Variants in SLC35D4 observed in about 807,000 individuals in gnomAD.
SLC35D4 encodes the protein UDP-N-acetylglucosamine transporter SLC35D4.
the SLC35D4 span, among the ~76,000 whole-genome samples, chr18:23,355,951 G>A: frequency 6.6e-6 from 1 of 152,116 alleles, no homozygotes; most frequent in Non-Finnish European, 1.5e-5. Context: ...TCCACTTCTT[G>A]GCATGATGAG....
chr18:23,318,320 G>A, the SLC35D4 span, among the ~76,000 whole-genome samples: 2 of 152,160 alleles, frequency 1.3e-5, no homozygotes, highest in African/African-American at 4.8e-5. Context: ...TTCTTTATAT[G>A]TTGTAGATAT....
chr18:23,325,051 G>A, the SLC35D4 span, among the ~76,000 whole-genome samples: 1 of 152,086 alleles, frequency 6.6e-6, no homozygotes, highest in Non-Finnish European at 1.5e-5. Context: ...GCGTCTCCGA[G>A]CCCCGTGTGT....
the SLC35D4 span, among the ~76,000 whole-genome samples, chr18:23,383,528 G>T: frequency 3.3e-5 from 5 of 152,058 alleles, no homozygotes; most frequent in Non-Finnish European, 7.4e-5. Flanking sequence ...GGGGGCAGAA[G>T]CAGGAGCAGC....
chr18:23,326,179 CA>C, the SLC35D4 span, among the ~76,000 whole-genome samples: 1 of 152,188 alleles, frequency 6.6e-6, no homozygotes, highest in South Asian at 2.1e-4. Context: ...TGTGTGATAG[CA>C]GGATCAAATT....
the SLC35D4 span, among the ~76,000 whole-genome samples, chr18:23,401,717 T>A: frequency 2.6e-4 from 40 of 152,128 alleles, no homozygotes; most frequent in Non-Finnish European, 5.6e-4. Context: ...GACTTTGGAA[T>A]GTAAGGTCAG....
chr18:23,370,364 A>G, the SLC35D4 span: 1 of 1,125,646 alleles, frequency 8.9e-7, no homozygotes, highest in Non-Finnish European at 1.3e-6. Context: ...GGCTCCCAAA[A>G]GCACGACTGC....
the SLC35D4 span, among the ~76,000 whole-genome samples, chr18:23,384,772 T>C: frequency 6.6e-6 from 1 of 152,190 alleles, no homozygotes; most frequent in Non-Finnish European, 1.5e-5. Context: ...CTGGCCTGGA[T>C]CTGAGTTCAG....
At chr18:23,402,054 G>A in the SLC35D4 span, among the ~76,000 whole-genome samples, 7 of 152,232 alleles carry the variant, frequency 4.6e-5, no homozygotes, top group African/African-American at 1.4e-4. Context: ...TCTCCCTCAG[G>A]GGCAACAGGG....
the SLC35D4 span, among the ~76,000 whole-genome samples, chr18:23,285,479 T>TCC: frequency 6.6e-6 from 1 of 152,166 alleles, no homozygotes; most frequent in Admixed American, 6.6e-5. Flanking sequence ...TTTCAATTTT[T>TCC]CCATCCTACA....
chr18:23,247,750 A>G, the SLC35D4 span, among the ~76,000 whole-genome samples: 3 of 152,246 alleles, frequency 2.0e-5, no homozygotes, highest in Non-Finnish European at 2.9e-5. Flanking sequence ...AAGCAGGGAC[A>G]AAAGCAAGAC....
At chr18:23,342,489 G>T in the SLC35D4 span, among the ~76,000 whole-genome samples, 1 of 151,940 alleles carries the variant, frequency 6.6e-6, no homozygotes, top group East Asian at 1.9e-4. Flanking sequence ...TGGACATTTA[G>T]AATTATTTCC....
the SLC35D4 span, among the ~76,000 whole-genome samples, chr18:23,430,415 G>A: frequency 3.6e-4 from 55 of 152,092 alleles, no homozygotes; most frequent in Admixed American, 5.2e-4. Flanking sequence ...CAAAGAAATA[G>A]TTGGAGATCT....
chr18:23,310,346 A>C, the SLC35D4 span: 1 of 875,402 alleles, frequency 1.1e-6, no homozygotes, highest in Non-Finnish European at 1.4e-6. Context: ...GGAAGAGGTT[A>C]CCTCCACATC....
chr18:23,272,342 G>A, the SLC35D4 span, among the ~76,000 whole-genome samples: 3 of 152,146 alleles, frequency 2.0e-5, no homozygotes, highest in East Asian at 1.9e-4. Context: ...CTATTCAGGA[G>A]GCTGAGGCAG....
chr18:23,412,710 A>G, the SLC35D4 span, among the ~76,000 whole-genome samples: 1 of 152,214 alleles, frequency 6.6e-6, no homozygotes, highest in East Asian at 1.9e-4. Flanking sequence ...TCAAAGAACT[A>G]TGGCCCATAG....
the SLC35D4 span, among the ~76,000 whole-genome samples, chr18:23,359,968 AGG>A: frequency 3.8e-4 from 58 of 152,340 alleles, no homozygotes; most frequent in African/African-American, 1.3e-3. Context: ...GCCCATGCTG[AGG>A]GCATGAAGAA....
At chr18:23,341,740 G>A in the SLC35D4 span, among the ~76,000 whole-genome samples, 1 of 152,190 alleles carries the variant, frequency 6.6e-6, no homozygotes, top group Non-Finnish European at 1.5e-5. Context: ...AGGAAAAAGA[G>A]AGAGAGAGGG....
chr18:23,245,864 C>A, the SLC35D4 span, among the ~76,000 whole-genome samples: 83 of 152,390 alleles, frequency 5.4e-4, 1 homozygote, highest in African/African-American at 2.0e-3. Context: ...AACACAACTG[C>A]CTGCTGCAGG....
chr18:23,405,314 A>G, the SLC35D4 span, among the ~76,000 whole-genome samples: 25 of 152,226 alleles, frequency 1.6e-4, no homozygotes, highest in African/African-American at 5.3e-4. Flanking sequence ...CAACCTCCCG[A>G]GTAGCTGGGG....
Sources: allele counts gnomAD v4.1 joint callset (sites outside exome capture counted in the v4.1 genomes callset), GRCh38; gene constraint gnomAD v4.1.1; transcripts MANE v1.5; gene names NCBI Gene and HGNC (gene_info 2026-07-23, HGNC 2026-07-21).